Variants in ACYP2 observed in about 807,000 individuals in gnomAD.
ACYP2 encodes the protein acylphosphatase-2.
ACYP2 carries 12 observed loss-of-function variants against 11.2 expected under a neutral mutation model. The ratio of observed to expected loss-of-function variants is 1.08; its 90% CI spans 0.69 to 1.74. The LOEUF (loss-of-function observed/expected upper bound fraction) is 1.74, where lower values mean the gene tolerates loss of function less well. Among genes scored for constraint, ACYP2 ranks in the 40% most tolerant of loss-of-function variants. The pLI is 0.00. For synonymous variants in ACYP2, 43 were observed against 32.2 expected, an observed-to-expected ratio of 1.33 and a Z score of -1.13; for missense variants, 134 against 101.9, an observed-to-expected ratio of 1.31 and a Z score of -1.35.
chr2:54,163,636 C>T (rs940155849), intron 6 of ACYP2, among the ~76,000 whole-genome samples: 4 of 152,108 alleles, frequency 2.6e-5, no homozygotes, highest in Non-Finnish European at 5.9e-5. Flanking sequence ...GGGTGGCTCA[C>T]CCAAGGGCAG....
At chr2:54,094,428 CAT>C (rs556520960) in intron 4 of ACYP2, among the ~76,000 whole-genome samples, 106 of 152,000 alleles carry the variant, frequency 7.0e-4, no homozygotes, top group African/African-American at 2.5e-3. Context: ...CGGGGTTTCA[CAT>C]GTTTGCCAGG....
At chr2:54,177,901 CTTT>C (rs1301329226) in intron 6 of ACYP2, among the ~76,000 whole-genome samples, 2 of 124,060 alleles carry the variant, frequency 1.6e-5, no homozygotes, top group African/African-American at 7.6e-5. Context: ...TTCTTTCTTT[CTTT>C]ATTTTTTTTT....
intron 6 of ACYP2, among the ~76,000 whole-genome samples, chr2:54,236,611 T>C (rs1230256943): frequency 6.6e-6 from 1 of 152,236 alleles, no homozygotes; most frequent in African/African-American, 2.4e-5. Context: ...TCACATATGA[T>C]TTTGATAATG....
intron 6 of ACYP2, among the ~76,000 whole-genome samples, chr2:54,285,842 A>C (rs1218265683): frequency 6.6e-6 from 1 of 152,208 alleles, no homozygotes; most frequent in Non-Finnish European, 1.5e-5. Context: ...GATGGTTGGA[A>C]CTTTAGCATC....
At chr2:54,216,057 T>A (rs1000924745) in intron 6 of ACYP2, among the ~76,000 whole-genome samples, 8 of 152,208 alleles carry the variant, frequency 5.3e-5, no homozygotes, top group Non-Finnish European at 1.0e-4. Context: ...CTTTAGCCAA[T>A]GTAGAATTTT....
chr2:54,292,481 AATAAG>A (rs1472018747), intron 6 of ACYP2, among the ~76,000 whole-genome samples: 15 of 152,166 alleles, frequency 9.9e-5, no homozygotes, highest in African/African-American at 3.1e-4. Flanking sequence ...GAGTGGGTTA[AATAAG>A]ATATTATTAA....
chr2:54,137,972 A>G (rs990281764), intron 5 of ACYP2, among the ~76,000 whole-genome samples: 1 of 152,156 alleles, frequency 6.6e-6, no homozygotes, highest in Admixed American at 6.5e-5. Context: ...AATAATCGCC[A>G]TTCTGACTGG....
intron 2 of ACYP2, among the ~76,000 whole-genome samples, chr2:54,039,523 C>G (rs772948717): frequency 6.6e-6 from 1 of 151,862 alleles, no homozygotes; most frequent in Non-Finnish European, 1.5e-5. Flanking sequence ...AACTCCTGAG[C>G]TCAAGCAATC....
At chr2:54,160,668 G>T (rs1205981460) in intron 6 of ACYP2, among the ~76,000 whole-genome samples, 2 of 152,212 alleles carry the variant, frequency 1.3e-5, no homozygotes, top group African/African-American at 4.8e-5. Context: ...AGCCTTCATT[G>T]TGTTTTTGGG....
chr2:54,234,099 G>A lies in ACYP2; in HGVS notation c.405-70589G>A, dbSNP rs184632344. On this transcript the variant is annotated intron_variant, in intron 6 of 6. Coordinates refer to ENST00000607452, the MANE Select transcript of ACYP2 (RefSeq NM_001320586.2). ...TAGGTGGTTGCCTAATGATTTTCCC[G>A]TTGAAACTCTGGCAAAATTGTCCTT... is the stretch of plus-strand genomic sequence containing the variant. Among the ~76,000 whole-genome samples the A allele has an allele frequency of 5.9e-5, 9 of 152,246 alleles. No individual in the cohort carries two copies. The East Asian group carries it at 7.7e-4, about 13-fold the overall frequency.
chr2:54,141,869 G>A, intron 6 of ACYP2: 1 of 635,574 alleles, frequency 1.6e-6, no homozygotes, highest in Admixed American at 2.1e-5. Flanking sequence ...CAAGGGTCTT[G>A]CTCTCTCTCC....
At chr2:54,050,565 A>G (rs1440522943) in intron 2 of ACYP2, among the ~76,000 whole-genome samples, 1 of 150,476 alleles carries the variant, frequency 6.6e-6, no homozygotes, top group Admixed American at 6.6e-5. Flanking sequence ...AAAAAAAAAA[A>G]GAAAATAACT....
At chr2:54,147,414 T>C (rs889881502) in intron 6 of ACYP2, among the ~76,000 whole-genome samples, 1 of 152,180 alleles carries the variant, frequency 6.6e-6, no homozygotes, top group Non-Finnish European at 1.5e-5. Flanking sequence ...ATCCTGAGTC[T>C]TCTGTGAGGT....
chr2:54,135,574 C>A, intron 5 of ACYP2, 105 bp downstream of exon 2: 1 of 857,388 alleles, frequency 1.2e-6, no homozygotes, highest in Non-Finnish European at 1.8e-6. Flanking sequence ...CTGTTTACTC[C>A]CTGTCCTTGA....
chr2:54,023,968 A>C (rs1172923018), intron 2 of ACYP2, among the ~76,000 whole-genome samples: 1 of 152,208 alleles, frequency 6.6e-6, no homozygotes, highest in East Asian at 1.9e-4. Context: ...ACTAAAACCC[A>C]AACCAGGAAA....
chr2:54,062,136 A>C (rs934917541), intron 4 of ACYP2, among the ~76,000 whole-genome samples: 4 of 152,182 alleles, frequency 2.6e-5, no homozygotes, highest in Non-Finnish European at 5.9e-5. Flanking sequence ...TAGCCAGAAA[A>C]AATAAGCACA....
At chr2:54,213,747 C>T (rs1364474660) in intron 6 of ACYP2, among the ~76,000 whole-genome samples, 2 of 150,994 alleles carry the variant, frequency 1.3e-5, no homozygotes, top group Non-Finnish European at 2.9e-5. Flanking sequence ...TGTTGATGTC[C>T]TTTGCCCCCC....
chr2:54,289,863 A>G lies in ACYP2; in HGVS notation c.405-14825A>G, dbSNP rs73933610. Reference sequence around the variant, plus strand: ...ATTTTTGATTCTCGTCAAATATTTCAAGGCATTCCGAGAGCCCCCATCTTC... The same window carrying G: ...ATTTTTGATTCTCGTCAAATATTTCGAGGCATTCCGAGAGCCCCCATCTTC... On this transcript the variant is annotated intron_variant, in intron 6 of 6. Transcript: ENST00000607452. 7.9e-3 allele frequency among the ~76,000 whole-genome samples: 1,203 copies of G among 152,106 alleles called. 38 individuals are homozygous for G. The highest frequency in any genetic ancestry group is 0.028 in the African/African-American group (1,146 of 41,376).
chr2:54,271,167 TC>T (rs1688280537), intron 6 of ACYP2, among the ~76,000 whole-genome samples: 1 of 152,184 alleles, frequency 6.6e-6, no homozygotes, highest in Non-Finnish European at 1.5e-5. Context: ...TAATAGTCCC[TC>T]CCTAAGACTG....
Sources: allele counts gnomAD v4.1 joint callset (sites outside exome capture counted in the v4.1 genomes callset), GRCh38; gene constraint gnomAD v4.1.1; transcripts MANE v1.5; gene names NCBI Gene and HGNC (gene_info 2026-07-23, HGNC 2026-07-21).